The following ADAMTS17 variants were observed in gnomAD, a reference collection of about 807,000 sequenced individuals.
ADAMTS17 encodes the protein ADAM metallopeptidase with thrombospondin type 1 motif 17.
In ADAMTS17, 113 loss-of-function variants were observed where a neutral mutation model predicts 141.5. The observed-to-expected ratio is 0.80, with a 90% CI of 0.69 to 0.93. The LOEUF (loss-of-function observed/expected upper bound fraction) is 0.93, where lower values mean the gene tolerates loss of function less well. Among genes scored for constraint, ADAMTS17 ranks in the 40% least tolerant of loss-of-function variants. The pLI, the probability that ADAMTS17 is intolerant of heterozygous loss-of-function variation, is 0.00. For synonymous variants in ADAMTS17, 768 were observed against 630.6 expected (o/e 1.22, Z -3.27); for missense variants, 1,659 against 1,517.9 (o/e 1.09, Z -1.54).
chr15:100,166,135 C>T (rs551758794), intron 8 of ADAMTS17, among the ~76,000 whole-genome samples: 7 of 152,248 alleles, frequency 4.6e-5, no homozygotes, highest in East Asian at 3.9e-4. Flanking sequence ...TGCATCATGA[C>T]GGTCTTACAT....
At chr15:100,114,800 CA>C (rs2037009345) in intron 13 of ADAMTS17, among the ~76,000 whole-genome samples, 1 of 152,216 alleles carries the variant, frequency 6.6e-6, no homozygotes, top group East Asian at 1.9e-4. Flanking sequence ...AGGATCTGGG[CA>C]GACTCAAGTC....
At chr15:100,172,019 A>G (rs918974789) in intron 8 of ADAMTS17, among the ~76,000 whole-genome samples, 1 of 152,136 alleles carries the variant, frequency 6.6e-6, no homozygotes, top group African/African-American at 2.4e-5. Flanking sequence ...CCCAGCAACA[A>G]TGTAGACACT....
chr15:100,228,634 CAG>C (rs2042382224), intron 7 of ADAMTS17, among the ~76,000 whole-genome samples: 1 of 152,228 alleles, frequency 6.6e-6, no homozygotes, highest in African/African-American at 2.4e-5. Flanking sequence ...GAGCGCTGAA[CAG>C]ACACAGGCAG....
At chr15:100,233,614 C>G (rs769157003) in intron 7 of ADAMTS17, among the ~76,000 whole-genome samples, 6 of 152,128 alleles carry the variant, frequency 3.9e-5, no homozygotes, top group Non-Finnish European at 7.4e-5. Flanking sequence ...GATGCTGGGT[C>G]TGTGTTCCCA....
At chr15:100,172,284 A>AT (rs75818955) in intron 8 of ADAMTS17, among the ~76,000 whole-genome samples, 2 of 151,984 alleles carry the variant, frequency 1.3e-5, no homozygotes, top group Non-Finnish European at 2.9e-5. Context: ...GGGCATGTGG[A>AT]TTTTTTTAGA....
At chr15:100,289,943 G>C (rs1266683616) in intron 3 of ADAMTS17, among the ~76,000 whole-genome samples, 1 of 152,170 alleles carries the variant, frequency 6.6e-6, no homozygotes, top group African/African-American at 2.4e-5. Context: ...CATTCCGCTT[G>C]AGAACTGTAA....
intron 15 of ADAMTS17, among the ~76,000 whole-genome samples, chr15:100,092,189 G>A (rs1200088754): frequency 2.0e-5 from 3 of 152,190 alleles, no homozygotes; most frequent in Non-Finnish European, 4.4e-5. Context: ...GCTAGGGTAC[G>A]TTTCCATTTG....
Position 100,132,045 on chromosome 15 carries a change from C to A in ADAMTS17, c.1683G>T (p.Thr561=). Residue 561 remains threonine (T), a synonymous_variant, in exon 12 of 22, where the codon ACG becomes ACT. Transcript: ENST00000268070. ...ATTTCCTCTGCCTGAAGCGGGCTCCCGTCCCACATGTTCGGCTGCACATGC... is the reference window on the plus strand; with the variant it reads ...ATTTCCTCTGCCTGAAGCGGGCTCCAGTCCCACATGTTCGGCTGCACATGC... ...AWSMCSRTCG[T]GARFRQRKCD... 1.9e-6 allele frequency: 3 copies of A among 1,613,956 alleles called. No homozygotes were observed. Among genetic ancestry groups the A allele is most frequent in the Non-Finnish European group, 2.5e-6 (3 of 1,179,820 alleles).
intron 15 of ADAMTS17, among the ~76,000 whole-genome samples, chr15:100,063,225 G>A (rs925037039): frequency 1.3e-5 from 2 of 152,296 alleles, no homozygotes; most frequent in African/African-American, 2.4e-5. Context: ...TATCCTTCTG[G>A]GTTTCCATTA....
chr15:100,273,723 G>T (rs950978256), intron 4 of ADAMTS17, among the ~76,000 whole-genome samples: 1 of 152,106 alleles, frequency 6.6e-6, no homozygotes, highest in Non-Finnish European at 1.5e-5. Flanking sequence ...TTCAAAGCTA[G>T]CAGAAGGAAT....
rs563665458 is a variant in ADAMTS17 at position 100,159,382 on chromosome 15, T to C, written c.1182-4062A>G. Among the ~76,000 whole-genome samples the C allele has an allele frequency of 2.9e-4, 44 of 152,378 alleles. 1 individual carries two copies. The South Asian group carries it at 8.1e-3, about 28-fold the overall frequency. ...TTTTTATTTTCTTCTACCTGGTAGC[T>C]TTTTCTTTCTCTATTTCATGTTAAC... is the stretch of plus-strand genomic sequence containing the variant. On this transcript the variant is annotated intron_variant, in intron 8 of 21. Transcript: ENST00000268070.
chr15:100,023,387 T>C (rs1596251093), intron 18 of ADAMTS17, among the ~76,000 whole-genome samples: 1 of 152,084 alleles, frequency 6.6e-6, no homozygotes, highest in East Asian at 1.9e-4. Flanking sequence ...TTTGTATTTT[T>C]AGTAGAGACG....
intron 7 of ADAMTS17, among the ~76,000 whole-genome samples, chr15:100,252,538 C>G (rs976503872): frequency 5.3e-5 from 8 of 152,152 alleles, no homozygotes; most frequent in African/African-American, 9.7e-5. Context: ...GTACTGTGGC[C>G]AAGCCTGACC....
In ADAMTS17 at chr15:100,096,454, A is replaced by G; in HGVS notation, c.2039T>C (p.Ile680Thr). The change falls in exon 15 of 22, where the codon ATC becomes ACC. Residue 680 changes from isoleucine to threonine, a missense_variant. Physicochemically the swap from Ile to Thr is moderately conservative, Grantham distance 89. Transcript: ENST00000268070. ...KCQKIGCDGI[I>T]GSAAKEDRCG... ...TCTGTCCTCTTTGGCTGCAGACCCGATGATGCCGTCACAGCCGATTTTCTA... is the reference window on the plus strand; with the variant it reads ...TCTGTCCTCTTTGGCTGCAGACCCGGTGATGCCGTCACAGCCGATTTTCTA... 1 of 1,614,102 alleles carries G rather than the reference A, an allele frequency of 6.2e-7. No individual in the cohort carries two copies. The highest frequency in any genetic ancestry group is 8.5e-7 in the Non-Finnish European group (1 of 1,180,024).
chr15:100,263,817 A>G (rs1268842346), intron 4 of ADAMTS17, among the ~76,000 whole-genome samples: 1 of 152,262 alleles, frequency 6.6e-6, no homozygotes, highest in Non-Finnish European at 1.5e-5. Flanking sequence ...CAGGAACATT[A>G]AAACTTTCTC....
intron 7 of ADAMTS17, among the ~76,000 whole-genome samples, chr15:100,214,307 G>A (rs1266496908): frequency 6.6e-6 from 1 of 152,128 alleles, no homozygotes; most frequent in Non-Finnish European, 1.5e-5. Flanking sequence ...CATTATCTTT[G>A]CTATGTGCTA....
rs1260596264 is a variant in ADAMTS17 at position 100,341,083 on chromosome 15, C to A, written c.406G>T (p.Gly136Cys). ...CAGGCGCTGAGCGAGACGAGGGAGC[C>A]GGGGTGGCCGAGCACACGGCCCGAG... ...FYSGRVLGHPGSLVSLSACGA... is the reference protein window; with the variant it reads ...FYSGRVLGHPCSLVSLSACGA... Residue 136 changes from glycine (G) to cysteine (C), a missense_variant, in exon 2 of 22, where the codon GGC (glycine) becomes TGC (cysteine). By Grantham distance (159) the Gly-to-Cys change is radical. Transcript: ENST00000268070. The A allele has an allele frequency of 6.6e-7, 1 of 1,519,556 alleles. No individual in the cohort carries two copies. 94.1% of individuals were successfully genotyped at this position (1,519,556 alleles called of 1,614,324 possible). A position where few individuals can be genotyped will look rare whatever the true frequency, so the allele number is the denominator to read the frequency against.
intron 20 of ADAMTS17, among the ~76,000 whole-genome samples, chr15:99,985,050 CGCT>C (rs2060558687): frequency 6.6e-6 from 1 of 152,258 alleles, no homozygotes; most frequent in Non-Finnish European, 1.5e-5. Flanking sequence ...CCTGGGACCT[CGCT>C]GCTCTTCAGC....
chr15:100,046,623 A>G (rs1202726117), intron 18 of ADAMTS17, among the ~76,000 whole-genome samples: 1 of 152,352 alleles, frequency 6.6e-6, no homozygotes, highest in South Asian at 2.1e-4. Context: ...CCAAATAAAT[A>G]CTTTTATAAT....
Sources: allele counts gnomAD v4.1 joint callset (sites outside exome capture counted in the v4.1 genomes callset), GRCh38; gene constraint gnomAD v4.1.1; transcripts MANE v1.5; gene names NCBI Gene and HGNC (gene_info 2026-07-23, HGNC 2026-07-21).